The following CDH4 variants were observed in gnomAD, a reference collection of about 807,000 sequenced individuals.
CDH4 encodes the protein cadherin-4.
In CDH4, 33 loss-of-function variants were observed where a neutral mutation model predicts 86.0. The observed-to-expected ratio is 0.38, with a 90% CI of 0.29 to 0.51. The LOEUF (loss-of-function observed/expected upper bound fraction) is 0.51. Among genes scored for constraint, CDH4 ranks in the 20% least tolerant of loss-of-function variants. The probability of loss-of-function intolerance (pLI) is 0.86; values close to 1 mark genes in which losing one functional copy is unlikely to be tolerated. For synonymous variants in CDH4, 555 were observed against 549.4 expected, an observed-to-expected ratio of 1.01 and a Z score of -0.14; for missense variants, 1,114 against 1,307.4, an observed-to-expected ratio of 0.85 and a Z score of 2.28.
chr20:61,315,767 G>A (rs966821669), intron 2 of CDH4, among the ~76,000 whole-genome samples: 4 of 152,190 alleles, frequency 2.6e-5, no homozygotes, highest in African/African-American at 9.7e-5. Flanking sequence ...GCAGTGGTGC[G>A]ATCATAGCTC....
chr20:61,380,065 G>A (rs990696565), intron 2 of CDH4, among the ~76,000 whole-genome samples: 14 of 152,156 alleles, frequency 9.2e-5, no homozygotes, highest in African/African-American at 3.4e-4. Context: ...AGGATGCATA[G>A]GGAGAGATGG....
chr20:61,895,072 G>T, intron 8 of CDH4, 25 bp downstream of exon 8: 1 of 1,611,594 alleles, frequency 6.2e-7, no homozygotes, highest in South Asian at 1.1e-5. Flanking sequence ...GCTGCCCAGT[G>T]ACGCATGGCC....
In CDH4 at chr20:61,714,062, T is replaced by TGTTATGTTATGTTATGTTATGTTATG. The variant is rs1237764006; in HGVS notation, c.170-29501_170-29500insGTTATGTTATGTTATGTTATGTTATG. The stretch of plus-strand genomic sequence containing the variant: ...TTTTATTTTATTTTATTTTATTTTA[T>TGTTATGTTATGTTATGTTATGTTATG]TTGAGATGGAGTCTCACTCTGTCGC... On this transcript the variant is annotated intron_variant, in intron 2 of 15. Transcript: ENST00000614565. 2.4e-3 allele frequency among the ~76,000 whole-genome samples: 353 copies of TGTTATGTTATGTTATGTTATGTTATG among 150,032 alleles called. 7 individuals are homozygous for TGTTATGTTATGTTATGTTATGTTATG. The highest frequency in any genetic ancestry group is 4.5e-3 in the South Asian group (21 of 4,656).
At chr20:61,904,516 G>T (rs539630547) in intron 8 of CDH4, among the ~76,000 whole-genome samples, 2 of 152,232 alleles carry the variant, frequency 1.3e-5, no homozygotes, top group East Asian at 3.9e-4. Context: ...TGTCCCCCTG[G>T]TCTCTCGGCA....
At chr20:61,731,736 G>GT (rs2088191361) in intron 2 of CDH4, among the ~76,000 whole-genome samples, 1 of 152,182 alleles carries the variant, frequency 6.6e-6, no homozygotes, top group African/African-American at 2.4e-5. Flanking sequence ...GTTTGGAGAC[G>GT]TGAGTGAGTG....
chr20:61,634,896 C>T (rs955443499), intron 2 of CDH4, among the ~76,000 whole-genome samples: 1 of 152,206 alleles, frequency 6.6e-6, no homozygotes, highest in African/African-American at 2.4e-5. Context: ...ATAAATGGAA[C>T]CTTATAATAA....
chr20:61,741,227 C>A (rs1255668693), intron 2 of CDH4, among the ~76,000 whole-genome samples: 4 of 152,118 alleles, frequency 2.6e-5, no homozygotes, highest in Non-Finnish European at 4.4e-5. Context: ...ACAACAACAA[C>A]AAAATCTAGA....
chr20:61,481,223 G>T (rs919893040), intron 2 of CDH4, among the ~76,000 whole-genome samples: 2 of 152,298 alleles, frequency 1.3e-5, no homozygotes, highest in African/African-American at 2.4e-5. Flanking sequence ...GCTGGGGCGT[G>T]GGGGAGGGAG....
chr20:61,936,263 C>G, intron 15 of CDH4, among the ~76,000 whole-genome samples: 1 of 144,736 alleles, frequency 6.9e-6, no homozygotes, highest in South Asian at 2.3e-4. Flanking sequence ...CCCCACACCA[C>G]CCCTTGCCCT....
chr20:61,613,171 C>G (rs917814594), intron 2 of CDH4, among the ~76,000 whole-genome samples: 14 of 152,042 alleles, frequency 9.2e-5, no homozygotes, highest in African/African-American at 3.4e-4. Flanking sequence ...TCTTCTCCTG[C>G]CCCCTCTTGG....
chr20:61,322,461 G>A (rs543733072), intron 2 of CDH4, among the ~76,000 whole-genome samples: 1 of 152,296 alleles, frequency 6.6e-6, no homozygotes, highest in South Asian at 2.1e-4. Context: ...AGACTGGCAT[G>A]AAGGGAGAAA....
chr20:61,442,139 T>C (rs1458946122), intron 2 of CDH4, among the ~76,000 whole-genome samples: 1 of 152,186 alleles, frequency 6.6e-6, no homozygotes, highest in African/African-American at 2.4e-5. Flanking sequence ...CATGATGGAT[T>C]TGATCAGTCT....
intron 2 of CDH4, among the ~76,000 whole-genome samples, chr20:61,404,431 C>T (rs866539325): frequency 2.0e-5 from 3 of 152,146 alleles, no homozygotes; most frequent in Admixed American, 6.6e-5. Flanking sequence ...ATAAATTTCA[C>T]GCTTCTTGCC....
At chr20:61,599,739 G>C (rs915797483) in intron 2 of CDH4, 38 of 960,980 alleles carry the variant, frequency 4.0e-5, no homozygotes, top group Middle Eastern at 5.3e-4. Flanking sequence ...TCCTCCTCCT[G>C]ACGCGGCTCT....
intron 2 of CDH4, among the ~76,000 whole-genome samples, chr20:61,425,972 G>C (rs983917765): frequency 1.3e-5 from 2 of 152,280 alleles, no homozygotes; most frequent in African/African-American, 4.8e-5. Context: ...TGAGGCATGT[G>C]ATCTTGTGTT....
chr20:61,428,617 A>G (rs2085227564), intron 2 of CDH4, among the ~76,000 whole-genome samples: 1 of 152,212 alleles, frequency 6.6e-6, no homozygotes. Context: ...CACGCGGACC[A>G]CAGGTGTGCT....
At chr20:61,552,662 G>A (rs1006094997) in intron 2 of CDH4, among the ~76,000 whole-genome samples, 8 of 151,858 alleles carry the variant, frequency 5.3e-5, no homozygotes, top group African/African-American at 1.7e-4. Flanking sequence ...ATCATGCCAC[G>A]GTACTCCAGC....
At chr20:61,378,539 C>A (rs989278454) in intron 2 of CDH4, among the ~76,000 whole-genome samples, 1 of 152,202 alleles carries the variant, frequency 6.6e-6, no homozygotes, top group Non-Finnish European at 1.5e-5. Context: ...CTTCCCGCGG[C>A]CTTCTCCTCT....
chr20:61,878,812 T>C (rs140486199), intron 7 of CDH4, among the ~76,000 whole-genome samples: 36 of 152,238 alleles, frequency 2.4e-4, no homozygotes, highest in African/African-American at 8.7e-4. Flanking sequence ...TCTCTCCCAC[T>C]TTTTCGCCTT....
Sources: allele counts gnomAD v4.1 joint callset (sites outside exome capture counted in the v4.1 genomes callset), GRCh38; gene constraint gnomAD v4.1.1; transcripts MANE v1.5; gene names NCBI Gene and HGNC (gene_info 2026-07-23, HGNC 2026-07-21).